ZFYVE16: variants seen among roughly 807,000 people sequenced by gnomAD.
ZFYVE16 encodes zinc finger FYVE-type containing 16, also known as zinc finger FYVE domain-containing protein 16.
ZFYVE16 carries 89 observed loss-of-function variants against 138.1 expected under a neutral mutation model. The ratio of observed to expected loss-of-function variants is 0.64; its 90% CI spans 0.54 to 0.77. The LOEUF (loss-of-function observed/expected upper bound fraction) is 0.77. ZFYVE16 is among the 30% of genes least tolerant of loss of function. ZFYVE16 has a pLI of 0.00. For synonymous variants in ZFYVE16, 596 were observed against 618.3 expected (o/e 0.96, Z 0.53); for missense variants, 1,793 against 1,786.7 (o/e 1.00, Z -0.06).
intron 2 of ZFYVE16, among the ~76,000 whole-genome samples, chr5:80,433,226 G>A (rs946616858): frequency 8.5e-5 from 13 of 152,172 alleles, no homozygotes; most frequent in African/African-American, 3.1e-4. Context: ...AGAAAATGTG[G>A]CACATATACA....
intron 1 of ZFYVE16, among the ~76,000 whole-genome samples, chr5:80,408,676 T>C (rs975941074): frequency 6.6e-6 from 1 of 152,372 alleles, no homozygotes; most frequent in Non-Finnish European, 1.5e-5. Context: ...AGTGGCCGTC[T>C]TTCCCGCTGC....
At position 80,479,368 on chromosome 5, in the gene ZFYVE16, CTT is replaced by C. The variant is rs1755175029; in HGVS notation, c.*1993_*1994del. 6.6e-6 allele frequency: 1 copy of C among 152,178 alleles called. No homozygotes were observed. Among genetic ancestry groups the C allele is most frequent in the South Asian group, 2.1e-4 (1 of 4,838 alleles). The allele number at this position is 152,178 out of a possible 1,614,324, so 9.4% of individuals were successfully genotyped here. A position where few individuals can be genotyped will look rare whatever the true frequency, so the allele number is the denominator to read the frequency against. On this transcript the variant is annotated 3_prime_UTR_variant, in exon 19 of 19. Transcript: ENST00000505560. ...TTGTTTTATGCAGCTATTCAACAAA[CTT>C]TGTGTGTTCGTATACTTGCTACATG...
chr5:80,480,153 A>G lies in ZFYVE16; in HGVS notation c.*2776A>G, dbSNP rs1395204729. On this transcript the variant is annotated 3_prime_UTR_variant, in exon 19 of 19. Transcript: ENST00000505560. ...CCAGAGGCAAGAATTACTTGAAGCA[A>G]TGAAAACAAACTCACAGATATAGGT... Among the ~76,000 whole-genome samples, 2 of 152,214 alleles carry G rather than the reference A, an allele frequency of 1.3e-5. No individual in the cohort carries two copies. Among genetic ancestry groups the G allele is most frequent in the African/African-American group, 4.8e-5 (2 of 41,448 alleles).
rs2078972287 is a variant in ZFYVE16 at position 80,445,339 on chromosome 5, A to G, written c.2658A>G (p.Thr886=). ...CCAATGGTGAAGTTGCAGATACAAC[A>G]AAATTATCATCTGGAAGTAAAAGAT... The part of the protein sequence containing the change: ...ILPNGEVADT[T]KLSSGSKRCS... The change falls in exon 7 of 19, where the codon ACA becomes ACG. Residue 886 remains threonine, a synonymous_variant. Transcript: ENST00000505560. The G allele has an allele frequency of 1.9e-6, 3 of 1,614,020 alleles. No homozygotes were observed. Among genetic ancestry groups the G allele is most frequent in the Non-Finnish European group, 2.5e-6 (3 of 1,179,926 alleles).
At chr5:80,430,924 C>A (rs1748908663) in intron 2 of ZFYVE16, among the ~76,000 whole-genome samples, 1 of 152,106 alleles carries the variant, frequency 6.6e-6, no homozygotes, top group Non-Finnish European at 1.5e-5. Flanking sequence ...CAATAACAGG[C>A]TCTGAAATTG....
intron 5 of ZFYVE16, among the ~76,000 whole-genome samples, chr5:80,442,196 C>T (rs1444532943): frequency 6.6e-6 from 1 of 152,066 alleles, no homozygotes; most frequent in East Asian, 1.9e-4. Flanking sequence ...CTCCACCTCC[C>T]AGGCTCAAGC....
chr5:80,470,101 A>ATATTTT (rs1208201212), intron 15 of ZFYVE16, among the ~76,000 whole-genome samples: 23 of 108,540 alleles, frequency 2.1e-4, no homozygotes, highest in African/African-American at 9.7e-4. Flanking sequence ...GTGTGTGTGT[A>ATATTTT]TTTTTTTTTT....
At chr5:80,434,507 C>T (rs975984626) in intron 3 of ZFYVE16, among the ~76,000 whole-genome samples, 3 of 152,164 alleles carry the variant, frequency 2.0e-5, no homozygotes, top group Non-Finnish European at 4.4e-5. Flanking sequence ...GACAAAGTCT[C>T]ATTCTGTCTC....
chr5:80,455,541 A>C (rs1752438528), intron 11 of ZFYVE16, 151 bp from the exon 12 acceptor site: 2 of 677,426 alleles, frequency 3.0e-6, no homozygotes, highest in Non-Finnish European at 4.8e-6. Context: ...CTCAAAAACA[A>C]AAAAAAAATT....
chr5:80,477,419 A>G lies in ZFYVE16; in HGVS notation c.*42A>G, dbSNP rs1181325097. 1 of 1,564,542 alleles carries G rather than the reference A, an allele frequency of 6.4e-7. No individual in the cohort carries two copies. Among genetic ancestry groups the G allele is most frequent in the South Asian group, 1.2e-5 (1 of 84,898 alleles). Reference sequence around the variant, plus strand: ...ATTACATATTGCAACCTAATTTGTTAAAACTAACTCCAGCACTAAAGCTGA... The same window carrying G: ...ATTACATATTGCAACCTAATTTGTTGAAACTAACTCCAGCACTAAAGCTGA... On this transcript the variant is annotated 3_prime_UTR_variant, in exon 19 of 19. Transcript: ENST00000505560.
At chr5:80,449,413 G>A (rs1751743312) in intron 8 of ZFYVE16, among the ~76,000 whole-genome samples, 178 bp from the exon 9 acceptor site, 1 of 152,102 alleles carries the variant, frequency 6.6e-6, no homozygotes, top group South Asian at 2.1e-4. Flanking sequence ...AACTTTACAT[G>A]GAAAGAGGTA....
rs1377071590 is a variant in ZFYVE16 at position 80,438,447 on chromosome 5, G to C, written c.1762G>C (p.Glu588Gln). 16 of 1,613,778 alleles carry C rather than the reference G, an allele frequency of 9.9e-6. No individual in the cohort carries two copies. Among genetic ancestry groups the C allele is most frequent in the Non-Finnish European group, 1.3e-5 (15 of 1,179,880 alleles). The part of the protein sequence containing the change: ...YFNAEAGAIG[E>Q]SHGINIICEI... The stretch of plus-strand genomic sequence containing the variant: ...CAATGCAGAAGCAGGAGCTATTGGG[G>C]AAAGTCATGGTATTAATATAATTTG... The change falls in exon 4 of 19, where the codon GAA becomes CAA. Residue 588 changes from glutamate (E) to glutamine (Q), a missense_variant. This residue lies in a region of ZFYVE16 where 1,295 missense variants were observed against 1,204.3 expected (regional missense o/e 1.08). Transcript: ENST00000505560.
At chr5:80,427,716 T>A (rs1409325348) in intron 2 of ZFYVE16, among the ~76,000 whole-genome samples, 171 bp downstream of exon 2, 1 of 149,818 alleles carries the variant, frequency 6.7e-6, no homozygotes, top group Admixed American at 6.7e-5. Context: ...GTCTCATGCC[T>A]GTAATCCCAG....
intron 15 of ZFYVE16, among the ~76,000 whole-genome samples, chr5:80,465,485 C>T (rs1405664170): frequency 3.0e-5 from 4 of 135,208 alleles, no homozygotes; most frequent in South Asian, 4.9e-4. Flanking sequence ...CAGCTCACTA[C>T]AGCCTTGACT....
chr5:80,428,054 G>A (rs992372532), intron 2 of ZFYVE16, among the ~76,000 whole-genome samples: 1 of 151,096 alleles, frequency 6.6e-6, no homozygotes, highest in Non-Finnish European at 1.5e-5. Flanking sequence ...CCCAGCGTGA[G>A]CGACACAGAA....
At chr5:80,413,017 A>G (rs955735864) in intron 1 of ZFYVE16, among the ~76,000 whole-genome samples, 2 of 151,838 alleles carry the variant, frequency 1.3e-5, no homozygotes, top group South Asian at 2.1e-4. Flanking sequence ...TCCACAAAAA[A>G]TAAACAAAAT....
At chr5:80,429,889 C>G (rs1367799683) in intron 2 of ZFYVE16, among the ~76,000 whole-genome samples, 1 of 152,174 alleles carries the variant, frequency 6.6e-6, no homozygotes, top group Non-Finnish European at 1.5e-5. Flanking sequence ...GAAGAGCTCA[C>G]TATCCTAAAT....
intron 15 of ZFYVE16, among the ~76,000 whole-genome samples, chr5:80,462,812 C>T (rs1276948975): frequency 6.6e-5 from 10 of 152,204 alleles, no homozygotes; most frequent in Non-Finnish European, 1.3e-4. Flanking sequence ...TAAATACACC[C>T]GTTCCAAATG....
rs929788975 is a variant in ZFYVE16 at position 80,437,717 on chromosome 5, A to C, written c.1032A>C (p.Glu344Asp). ...DKTVIKQSAQ[E>D]DSKSLDLKDN... ...CTGTTATAAAACAATCTGCACAAGAAGACTCAAAAAGTTTAGACCTTAAGG... is the reference window on the plus strand; with the variant it reads ...CTGTTATAAAACAATCTGCACAAGACGACTCAAAAAGTTTAGACCTTAAGG... Residue 344 changes from glutamate (E) to aspartate (D), a missense_variant, in exon 4 of 19, where the codon GAA becomes GAC. Around this residue, in one of 2 missense-constraint regions of ZFYVE16, gnomAD observed 1,295 missense variants for 1,204.3 expected, o/e 1.08. Coordinates refer to ENST00000505560, the MANE Select transcript of ZFYVE16 (RefSeq NM_001284236.3). 6.2e-7 allele frequency: 1 copy of C among 1,614,090 alleles called. No individual in the cohort carries two copies. The highest frequency in any genetic ancestry group is 8.5e-7 in the Non-Finnish European group (1 of 1,179,976).
Sources: gnomAD v4.1 joint callset for allele counts (sites outside exome capture counted in the v4.1 genomes callset) on GRCh38, gnomAD v4.1.1 for gene constraint, gnomAD v4.1.1 regional missense constraint, MANE v1.5 for transcripts, NCBI Gene and HGNC (gene_info 2026-07-23, HGNC 2026-07-21) for gene names.